Variants in TYW1 observed in about 807,000 individuals in gnomAD.
The protein encoded by TYW1 is tRNA-yW synthesizing protein 1 homolog, also known as S-adenosyl-L-methionine-dependent tRNA 4-demethylwyosine synthase TYW1.
TYW1 carries 46 observed loss-of-function variants against 96.2 expected under a neutral mutation model. The ratio of observed to expected loss-of-function variants is 0.48; its 90% CI spans 0.38 to 0.61. TYW1 has a LOEUF of 0.61. Among genes scored for constraint, TYW1 ranks in the 20% least tolerant of loss-of-function variants. The pLI is 0.00. For missense variants in TYW1, 684 were observed against 909.6 expected, an observed-to-expected ratio of 0.75 and a Z score of 3.19; for synonymous variants, 274 against 323.0, an observed-to-expected ratio of 0.85 and a Z score of 1.63.
At chr7:67,075,045 A>G (rs1584529735) in intron 10 of TYW1, among the ~76,000 whole-genome samples, 1 of 152,178 alleles carries the variant, frequency 6.6e-6, no homozygotes, top group African/African-American at 2.4e-5. Context: ...GGCCTGACCA[A>G]TGACTGTGTT....
At chr7:67,195,114 T>G in intron 14 of TYW1, 56 bp from the exon 15 acceptor site, 1 of 1,568,138 alleles carries the variant, frequency 6.4e-7, no homozygotes, top group Non-Finnish European at 8.6e-7. Flanking sequence ...AAAGTCTTCT[T>G]CTATGACATG....
At chr7:67,055,308 G>A (rs1255542926) in intron 8 of TYW1, among the ~76,000 whole-genome samples, 1 of 152,104 alleles carries the variant, frequency 6.6e-6, no homozygotes, top group Admixed American at 6.6e-5. Context: ...TTAATTTATT[G>A]TTTCATGATT....
intron 7 of TYW1, among the ~76,000 whole-genome samples, chr7:67,049,358 T>C (rs1795286939): frequency 6.6e-6 from 1 of 152,152 alleles, no homozygotes; most frequent in Non-Finnish European, 1.5e-5. Flanking sequence ...TGTTTGACAC[T>C]TAGATAAGTG....
At chr7:67,024,189 ATTG>A (rs970555706) in intron 6 of TYW1, among the ~76,000 whole-genome samples, 2 of 151,886 alleles carry the variant, frequency 1.3e-5, no homozygotes, top group East Asian at 1.9e-4. Flanking sequence ...TTATTTCTTC[ATTG>A]TTGTTGTTGT....
chr7:67,210,426 C>A (rs1800961127), intron 15 of TYW1, among the ~76,000 whole-genome samples: 1 of 152,150 alleles, frequency 6.6e-6, no homozygotes, highest in African/African-American at 2.4e-5. Context: ...TCTCCACTGT[C>A]AAATTACTGC....
intron 15 of TYW1, among the ~76,000 whole-genome samples, chr7:67,198,425 C>T (rs2116352947): frequency 6.6e-6 from 1 of 151,852 alleles, no homozygotes; most frequent in African/African-American, 2.4e-5. Context: ...GTGGCGGGGG[C>T]CTGTAATCTC....
intron 9 of TYW1, among the ~76,000 whole-genome samples, chr7:67,062,609 A>G (rs970393078): frequency 3.3e-5 from 5 of 151,478 alleles, no homozygotes; most frequent in African/African-American, 4.8e-5. Flanking sequence ...CATCAGTATC[A>G]GGAATGAAAC....
intron 11 of TYW1, among the ~76,000 whole-genome samples, chr7:67,090,702 C>G (rs1344349847): frequency 2.0e-5 from 3 of 151,118 alleles, no homozygotes; most frequent in Admixed American, 2.0e-4. Flanking sequence ...GTATGTGTGC[C>G]TGTGTGTGTG....
chr7:67,195,375 A>T lies in TYW1; in HGVS notation c.1977+38A>T, dbSNP rs763019460. ...CAAACATGGATTCTTCTGTTCCCCGACCCTGCTGTTCTTTCCTTCTCTTCT... is the reference window on the plus strand; with the variant it reads ...CAAACATGGATTCTTCTGTTCCCCGTCCCTGCTGTTCTTTCCTTCTCTTCT... On this transcript the variant is annotated intron_variant, in intron 15 of 15. Transcript: ENST00000359626. 3.1e-6 allele frequency: 5 copies of T among 1,607,084 alleles called. No homozygotes were observed. The Admixed American group carries it at 8.4e-5, about 27-fold the overall frequency.
At chr7:67,012,056 A>C (rs1793822592) in intron 4 of TYW1, among the ~76,000 whole-genome samples, 1 of 151,404 alleles carries the variant, frequency 6.6e-6, no homozygotes, top group African/African-American at 2.4e-5. Flanking sequence ...AACTTTCTTT[A>C]AAAAAAATAG....
chr7:67,128,472 C>T (rs1295565420), intron 13 of TYW1, among the ~76,000 whole-genome samples: 4 of 152,114 alleles, frequency 2.6e-5, no homozygotes, highest in Admixed American at 6.5e-5. Flanking sequence ...TGCATCTGGT[C>T]GGGTTATCCC....
rs1801984203 is a variant in TYW1, at chr7:67,239,182, G to A, written c.*653G>A. 3.0e-6 allele frequency: 3 copies of A among 985,570 alleles called. No individual in the cohort carries two copies. Among genetic ancestry groups the A allele is most frequent in the African/African-American group, 3.5e-5 (2 of 57,206 alleles). The allele number at this position is 985,570 out of a possible 1,614,324, so 61.1% of individuals were successfully genotyped here. ...GTAAATTACCACAGACCGCAGTACCGGGGCTGGAGCGGAGTGAAGCTGTCT... is the reference window on the plus strand; with the variant it reads ...GTAAATTACCACAGACCGCAGTACCAGGGCTGGAGCGGAGTGAAGCTGTCT... On this transcript the variant is annotated 3_prime_UTR_variant, in exon 16 of 16. Coordinates refer to ENST00000359626, the MANE Select transcript of TYW1 (RefSeq NM_018264.4).
chr7:67,044,785 A>G (rs1240954693), intron 7 of TYW1, among the ~76,000 whole-genome samples: 2 of 151,814 alleles, frequency 1.3e-5, no homozygotes, highest in African/African-American at 4.8e-5. Flanking sequence ...ATGCCCGGCT[A>G]ATTTTTGTAT....
intron 14 of TYW1, among the ~76,000 whole-genome samples, chr7:67,188,479 G>A (rs970342864): frequency 5.3e-5 from 8 of 152,156 alleles, no homozygotes; most frequent in African/African-American, 1.9e-4. Flanking sequence ...TTGGGAAGGT[G>A]CATATCTGTC....
intron 13 of TYW1, among the ~76,000 whole-genome samples, chr7:67,121,990 C>T (rs1165617878): frequency 2.7e-5 from 4 of 146,092 alleles, no homozygotes; most frequent in Non-Finnish European, 6.0e-5. Flanking sequence ...ACTTGTCAAA[C>T]AGTCCTTTTT....
At chr7:67,018,229 C>G (rs1376156853) in intron 6 of TYW1, 86 bp downstream of exon 6, 5 of 1,511,568 alleles carry the variant, frequency 3.3e-6, no homozygotes, top group Non-Finnish European at 3.6e-6. Flanking sequence ...TAAACCATCT[C>G]GTTGGCTTCT....
In TYW1 at chr7:67,017,921, C is replaced by T. The variant is rs751029423; in HGVS notation, c.639C>T (p.Gly213=). ...ATCGTGTGATGAGTCGAGGGGAGGGCGACTGCGACGTGGTTAAAAGCAAGC... is the reference window on the plus strand; with the variant it reads ...ATCGTGTGATGAGTCGAGGGGAGGGTGACTGCGACGTGGTTAAAAGCAAGC... ...GAHRVMSRGE[G]DCDVVKSKHG... is the part of the protein sequence containing the mutation. The change falls in exon 6 of 16, where the codon GGC becomes GGT. Residue 213 remains glycine (G), a synonymous_variant. Transcript: ENST00000359626. The T allele has an allele frequency of 1.6e-5, 26 of 1,613,980 alleles. No individual in the cohort carries two copies. Among genetic ancestry groups the T allele is most frequent in the African/African-American group, 9.3e-5 (7 of 74,906 alleles).
chr7:67,091,937 G>GGTTTCCTCCT (rs1350077694), intron 11 of TYW1, among the ~76,000 whole-genome samples: 5 of 152,248 alleles, frequency 3.3e-5, no homozygotes, highest in East Asian at 1.9e-4. Flanking sequence ...TGGCTTTGGT[G>GGTTTCCTCCT]TCTTTGCTTC....
At chr7:67,063,281 G>A (rs949863337) in intron 9 of TYW1, among the ~76,000 whole-genome samples, 37 of 152,176 alleles carry the variant, frequency 2.4e-4, no homozygotes, top group African/African-American at 8.9e-4. Flanking sequence ...AGAAATAGAG[G>A]AATATTAACC....
Sources: allele counts gnomAD v4.1 joint callset (sites outside exome capture counted in the v4.1 genomes callset), GRCh38; gene constraint gnomAD v4.1.1; transcripts MANE v1.5; gene names NCBI Gene and HGNC (gene_info 2026-07-23, HGNC 2026-07-21).